Variants in KMT2E observed in about 807,000 individuals in gnomAD.
KMT2E encodes histone reader KMT2E.
In KMT2E, 30 loss-of-function variants were observed where a neutral mutation model predicts 184.6. The observed-to-expected ratio is 0.16, with a 90% confidence interval of 0.12 to 0.22. The LOEUF (loss-of-function observed/expected upper bound fraction) is 0.22. Ranked by LOEUF, KMT2E falls within the 10% of genes least tolerant of loss-of-function variation. KMT2E has a pLI of 1.00. For missense variants in KMT2E, 2,023 were observed against 2,237.4 expected (o/e 0.90, Z 1.93); for synonymous variants, 815 against 776.5 (o/e 1.05, Z -0.82).
intron 13 of KMT2E, among the ~76,000 whole-genome samples, chr7:105,085,764 G>A (rs28434158): frequency 0.28 from 41,563 of 150,942 alleles, 8,502 homozygotes; most frequent in East Asian, 0.64. Flanking sequence ...GCTCACTGCA[G>A]GCTCCGCTTC....
rs71152940 is a variant in KMT2E, at chr7:105,078,657, C to CTTTT, written c.1131-161_1131-158dup. Among the ~76,000 whole-genome samples the CTTTT allele has an allele frequency of 2.6e-4, 12 of 46,722 alleles. 1 individual carries two copies. The highest frequency in any genetic ancestry group is 3.9e-4 in the Admixed American group (1 of 2,580). 30.7% of individuals were successfully genotyped at this position (46,722 alleles called of 152,430 possible). A position where few individuals can be genotyped will look rare whatever the true frequency, so the allele number is the denominator to read the frequency against. On this transcript the variant is annotated intron_variant, in intron 11 of 26. Coordinates refer to ENST00000311117, the MANE Select transcript of KMT2E (RefSeq NM_182931.3). Reference sequence around the variant, plus strand: ...ACAGGCACATGCTACCATGCCTGGCCTTTTTTTTTTTTTTTTTTTTTTTTT... The same window carrying CTTTT: ...ACAGGCACATGCTACCATGCCTGGCCTTTTTTTTTTTTTTTTTTTTTTTTTTTTT...
intron 13 of KMT2E, among the ~76,000 whole-genome samples, chr7:105,087,823 CTTT>C (rs144913829): frequency 3.9e-5 from 4 of 103,856 alleles, no homozygotes; most frequent in Non-Finnish European, 6.4e-5. Flanking sequence ...TGTTTTCTTG[CTTT>C]TTTTTTTTTT....
intron 3 of KMT2E, among the ~76,000 whole-genome samples, chr7:105,058,443 C>G (rs532159461): frequency 3.9e-5 from 6 of 152,294 alleles, no homozygotes; most frequent in Admixed American, 3.9e-4. Flanking sequence ...TATATAACCT[C>G]TTAAGGGTTG....
chr7:105,039,436 T>C (rs185628773), intron 2 of KMT2E, among the ~76,000 whole-genome samples: 10 of 152,350 alleles, frequency 6.6e-5, no homozygotes, highest in Non-Finnish European at 1.2e-4. Context: ...CCACTAAATA[T>C]AGTATATACC....
At chr7:105,018,916 C>G (rs529177994) in intron 1 of KMT2E, among the ~76,000 whole-genome samples, 3 of 152,100 alleles carry the variant, frequency 2.0e-5, no homozygotes, top group East Asian at 3.9e-4. Context: ...AAAAATCTTG[C>G]AATTGCTATT....
rs994333242 is a variant in KMT2E at position 105,101,829 on chromosome 7, T to C, written c.1888-57T>C. On this transcript the variant is annotated intron_variant, in intron 16 of 26. Transcript: ENST00000311117. ...TCTGAAGTAGAATAATGCTATTATATTTAAACTTTATATATATGTAGTATA... is the reference window on the plus strand; with the variant it reads ...TCTGAAGTAGAATAATGCTATTATACTTAAACTTTATATATATGTAGTATA... 3.7e-6 allele frequency: 5 copies of C among 1,336,634 alleles called. No individual in the cohort carries two copies. In the African/African-American group the frequency reaches 7.5e-5, roughly 20 times the overall value. 82.8% of individuals were successfully genotyped at this position (1,336,634 alleles called of 1,614,324 possible).
intron 6 of KMT2E, among the ~76,000 whole-genome samples, chr7:105,070,350 G>A (rs1431213673): frequency 6.6e-6 from 1 of 151,996 alleles, no homozygotes; most frequent in Admixed American, 6.6e-5. Context: ...AGAATTGTTG[G>A]TTGGGCGCAG....
intron 1 of KMT2E, among the ~76,000 whole-genome samples, chr7:105,024,532 C>A (rs1046693699): frequency 4.6e-5 from 7 of 152,078 alleles, no homozygotes; most frequent in Non-Finnish European, 1.0e-4. Context: ...GCTCAAGGAC[C>A]TCATGTATCA....
intron 3 of KMT2E, 160 bp from the exon 4 acceptor site, chr7:105,062,004 A>C (rs921951468): frequency 1.0e-5 from 5 of 481,322 alleles, no homozygotes; most frequent in Admixed American, 7.2e-5. Context: ...CACATAATCT[A>C]GATGGGATAT....
At position 105,113,007 on chromosome 7, in the gene KMT2E, C is replaced by T. The variant is rs1584821298; in HGVS notation, c.5251C>T (p.Pro1751Ser). ...HPPHQGPPLF[P>S]SSAHPTVPPY... The stretch of plus-strand genomic sequence containing the variant: ...ACCTCATCAAGGACCTCCACTTTTT[C>T]CTTCGAGTGCTCATCCAACTGTACC... The change falls in exon 27 of 27, where the codon CCT becomes TCT. Residue 1751 changes from proline (P) to serine (S), a missense_variant. Coordinates refer to ENST00000311117, the MANE Select transcript of KMT2E (RefSeq NM_182931.3). The T allele has an allele frequency of 6.2e-7, 1 of 1,613,998 alleles. No homozygotes were observed. Among genetic ancestry groups the T allele is most frequent in the Non-Finnish European group, 8.5e-7 (1 of 1,179,966 alleles).
Position 105,112,067 on chromosome 7 carries a change from A to G in KMT2E, c.4311A>G (p.Thr1437=), listed in dbSNP as rs1204539427. The G allele has an allele frequency of 1.9e-6, 3 of 1,614,094 alleles. No homozygotes were observed. Among genetic ancestry groups the G allele is most frequent in the African/African-American group, 1.3e-5 (1 of 74,934 alleles). Residue 1437 remains threonine (T), a synonymous_variant, in exon 27 of 27, where the codon ACA becomes ACG. Coordinates refer to ENST00000311117, the MANE Select transcript of KMT2E (RefSeq NM_182931.3). Reference sequence around the variant, plus strand: ...CACAAAAGCTGCCTTCTGTGCCAACAAAGTTGCACTGTCCTCCATCACCTC... The same window carrying G: ...CACAAAAGCTGCCTTCTGTGCCAACGAAGTTGCACTGTCCTCCATCACCTC... ...QLSQKLPSVP[T]KLHCPPSPHL...
chr7:105,031,095 G>A (rs1795394051), intron 1 of KMT2E, among the ~76,000 whole-genome samples: 1 of 152,126 alleles, frequency 6.6e-6, no homozygotes. Flanking sequence ...GGTGGCTCAT[G>A]CCTGTAATCC....
chr7:105,071,592 ATATATATATATATATATTTTTT>A (rs1210107434), intron 6 of KMT2E, among the ~76,000 whole-genome samples: 41 of 54,296 alleles, frequency 7.6e-4, no homozygotes, highest in African/African-American at 2.7e-3. Flanking sequence ...GTATATATAT[ATATATATATATATATATTTTTT>A]TTTTTTTTTT....
At chr7:105,110,738 TTA>T in intron 25 of KMT2E, 31 bp from the exon 26 acceptor site, 1 of 1,597,026 alleles carries the variant, frequency 6.3e-7, no homozygotes, top group Non-Finnish European at 8.6e-7. Flanking sequence ...TTGTGTAATT[TTA>T]TACTTACTAT....
Position 105,101,571 on chromosome 7 carries a change from T to G in KMT2E, c.1869T>G (p.Ser623Arg), listed in dbSNP as rs1335093746. The stretch of plus-strand genomic sequence containing the variant: ...AATGTAAAGATACACAGATTGTCAG[T>G]GATGCTGAAGTTATTCAGGTATTAT... ...KTECKDTQIV[S>R]DAEVIQEQAK... Residue 623 changes from serine (S) to arginine (R), a missense_variant, in exon 16 of 27, where the codon AGT becomes AGG. Transcript: ENST00000311117. 1 of 1,554,330 alleles carries G rather than the reference T, an allele frequency of 6.4e-7. No homozygotes were observed.
chr7:105,020,030 C>T (rs1316493948), intron 1 of KMT2E, among the ~76,000 whole-genome samples: 1 of 151,448 alleles, frequency 6.6e-6, no homozygotes, highest in Non-Finnish European at 1.5e-5. Context: ...ATTGCTTGAA[C>T]CCAGGAGGCG....
At chr7:105,051,078 CTTCT>C (rs1448500536) in intron 3 of KMT2E, among the ~76,000 whole-genome samples, 15 of 146,220 alleles carry the variant, frequency 1.0e-4, no homozygotes, top group Non-Finnish European at 2.0e-4. Context: ...TTTCTTTCTT[CTTCT>C]TTCTTTCTTT....
intron 3 of KMT2E, among the ~76,000 whole-genome samples, chr7:105,056,950 C>T (rs1796591065): frequency 2.0e-5 from 3 of 151,920 alleles, no homozygotes; most frequent in South Asian, 2.1e-4. Context: ...GAAAATGCCT[C>T]GTTATAAAAG....
intron 13 of KMT2E, among the ~76,000 whole-genome samples, chr7:105,086,023 A>G (rs1283708763): frequency 6.6e-6 from 1 of 152,186 alleles, no homozygotes; most frequent in Non-Finnish European, 1.5e-5. Flanking sequence ...GTTGGCAAAT[A>G]TTATCTAGAA....
Sources: allele counts gnomAD v4.1 joint callset (sites outside exome capture counted in the v4.1 genomes callset), GRCh38; gene constraint gnomAD v4.1.1; transcripts MANE v1.5; gene names NCBI Gene and HGNC (gene_info 2026-07-23, HGNC 2026-07-21).